Variants in SLC35F4 observed in about 807,000 individuals in gnomAD.
SLC35F4 encodes solute carrier family 35 member F4.
Under a neutral mutation model 44.2 loss-of-function variants are expected in SLC35F4, and 24 were observed. That is an observed-to-expected ratio of 0.54 (90% CI 0.39 to 0.76). The LOEUF (loss-of-function observed/expected upper bound fraction) is 0.76, where lower values mean the gene tolerates loss of function less well. SLC35F4 is among the 30% of genes least tolerant of loss of function. The pLI, the probability that SLC35F4 is intolerant of heterozygous loss-of-function variation, is 0.00. For synonymous variants in SLC35F4, 238 were observed against 223.6 expected, an observed-to-expected ratio of 1.06 and a Z score of -0.57; for missense variants, 562 against 586.1, an observed-to-expected ratio of 0.96 and a Z score of 0.42.
intron 1 of SLC35F4, among the ~76,000 whole-genome samples, chr14:57,836,393 A>G (rs1884926228): frequency 6.6e-6 from 1 of 152,144 alleles, no homozygotes. Context: ...CCCTGGTTCA[A>G]GTGATTCTCC....
chr14:57,845,155 G>A (rs1362403963), intron 1 of SLC35F4, among the ~76,000 whole-genome samples: 1 of 152,178 alleles, frequency 6.6e-6, no homozygotes, highest in Admixed American at 6.5e-5. Context: ...AACTTCAGGA[G>A]GAGGAAAAAT....
chr14:57,875,273 T>C (rs535885663), intron 1 of SLC35F4, among the ~76,000 whole-genome samples: 1 of 152,330 alleles, frequency 6.6e-6, no homozygotes, highest in Admixed American at 6.5e-5. Flanking sequence ...ACATGCTATC[T>C]TCTTTCTTTT....
At chr14:57,878,798 T>A (rs1187481216) in intron 1 of SLC35F4, among the ~76,000 whole-genome samples, 1 of 152,198 alleles carries the variant, frequency 6.6e-6, no homozygotes, top group East Asian at 1.9e-4. Context: ...GAGTAGGCAC[T>A]TCATAGATAT....
intron 1 of SLC35F4, among the ~76,000 whole-genome samples, chr14:57,783,079 G>A (rs1488032184): frequency 6.6e-6 from 1 of 152,074 alleles, no homozygotes; most frequent in Non-Finnish European, 1.5e-5. Flanking sequence ...TTTTTTGCAA[G>A]TTACCTTTTA....
In SLC35F4 at chr14:57,789,358, C is replaced by A. The variant is rs181783441; in HGVS notation, c.103+76365G>T. Among the ~76,000 whole-genome samples, 374 of 152,262 alleles carry A rather than the reference C, an allele frequency of 2.5e-3. 1 individual carries two copies. Among genetic ancestry groups the A allele is most frequent in the Admixed American group, 8.8e-3 (134 of 15,290 alleles). On this transcript the variant is annotated intron_variant, in intron 1 of 7. Transcript: ENST00000556826. ...AAATACAAACTATCATCAGAGAATA[C>A]CATAAACACTTCTATGCAAATAAAC... is the stretch of plus-strand genomic sequence containing the variant.
chr14:57,852,707 G>A (rs1886692507), intron 1 of SLC35F4, among the ~76,000 whole-genome samples: 1 of 152,186 alleles, frequency 6.6e-6, no homozygotes, highest in Admixed American at 6.5e-5. Context: ...CAGGGAAGAT[G>A]GTGCCTCAAT....
intron 1 of SLC35F4, among the ~76,000 whole-genome samples, chr14:57,749,901 A>T (rs894704651): frequency 9.9e-5 from 15 of 152,160 alleles, no homozygotes; most frequent in Non-Finnish European, 2.9e-5. Context: ...TCTAATGTTA[A>T]TTTTTTAATT....
intron 1 of SLC35F4, among the ~76,000 whole-genome samples, chr14:57,644,956 C>T (rs1016321039): frequency 6.6e-6 from 1 of 152,104 alleles, no homozygotes; most frequent in Non-Finnish European, 1.5e-5. Context: ...TTTCTGAGAG[C>T]TCTGTTTTGT....
intron 1 of SLC35F4, among the ~76,000 whole-genome samples, chr14:57,612,401 G>A (rs1413444002): frequency 6.6e-6 from 1 of 152,146 alleles, no homozygotes; most frequent in Non-Finnish European, 1.5e-5. Context: ...CCACCCAGCA[G>A]TTGGGCCAAC....
chr14:57,767,642 T>C lies in SLC35F4; in HGVS notation c.103+98081A>G, dbSNP rs1007852024. On this transcript the variant is annotated intron_variant, in intron 1 of 7. Transcript: ENST00000556826. ...ACTAGAAAAGGAATAGCAAAATAAA[T>C]CCAAGCAAATATAAAGATGGAAATA... Among the ~76,000 whole-genome samples, 6 of 150,548 alleles carry C rather than the reference T, an allele frequency of 4.0e-5. No individual in the cohort carries two copies. The East Asian group carries it at 5.8e-4, about 15-fold the overall frequency.
chr14:57,913,940 T>C (rs939233139), intron 1 of SLC35F4, among the ~76,000 whole-genome samples: 9 of 152,246 alleles, frequency 5.9e-5, no homozygotes, highest in Non-Finnish European at 1.3e-4. Flanking sequence ...AGGATAATTT[T>C]ACAAGGTACA....
intron 1 of SLC35F4, among the ~76,000 whole-genome samples, chr14:57,937,595 GA>G (rs779341037): frequency 0.35 from 20,650 of 58,976 alleles, 2,087 homozygotes; most frequent in East Asian, 0.56. Flanking sequence ...AGAAAGAAAA[GA>G]AAAGAAAAGA....
intron 1 of SLC35F4, among the ~76,000 whole-genome samples, chr14:57,623,448 G>A (rs2140101778): frequency 6.6e-6 from 1 of 152,184 alleles, no homozygotes; most frequent in East Asian, 1.9e-4. Flanking sequence ...CTCAGCTCTG[G>A]ACCAAGCGGA....
At chr14:57,664,674 G>C (rs980109726) in intron 1 of SLC35F4, among the ~76,000 whole-genome samples, 1 of 152,150 alleles carries the variant, frequency 6.6e-6, no homozygotes, top group Non-Finnish European at 1.5e-5. Context: ...GCCTCCCAAA[G>C]TGCTGGGATT....
chr14:57,743,966 G>A (rs1032305083), intron 1 of SLC35F4, among the ~76,000 whole-genome samples: 3 of 152,052 alleles, frequency 2.0e-5, no homozygotes, highest in African/African-American at 2.4e-5. Flanking sequence ...CAGAACCAAC[G>A]ACAAAAACCA....
rs927501345 is a variant in SLC35F4 at position 57,695,722 on chromosome 14, G to A, written c.104-101598C>T. Among the ~76,000 whole-genome samples the A allele has an allele frequency of 1.6e-4, 25 of 152,218 alleles. 1 individual carries two copies. The South Asian group carries it at 3.1e-3, about 19-fold the overall frequency. On this transcript the variant is annotated intron_variant, in intron 1 of 7. Coordinates refer to ENST00000556826, the MANE Select transcript of SLC35F4 (RefSeq NM_001306087.2). ...TGCTGCTATAAAGACACATGCACACGCATGTTTATAACAGCACTACTCACA... is the reference window on the plus strand; with the variant it reads ...TGCTGCTATAAAGACACATGCACACACATGTTTATAACAGCACTACTCACA...
chr14:57,973,378 A>G (rs1440536317), downstream of SLC35F4, among the ~76,000 whole-genome samples: 2 of 152,180 alleles, frequency 1.3e-5, no homozygotes, highest in Non-Finnish European at 2.9e-5. Context: ...TCGTCTCAAG[A>G]AGTAATTATA....
At chr14:57,606,222 A>C (rs1412726345) in intron 1 of SLC35F4, among the ~76,000 whole-genome samples, 1 of 149,392 alleles carries the variant, frequency 6.7e-6, no homozygotes, top group Non-Finnish European at 1.5e-5. Context: ...TATTAAACAA[A>C]GTTCCAAATG....
intron 4 of SLC35F4, chr14:57,580,585 C>A: frequency 6.3e-6 from 2 of 319,774 alleles, no homozygotes; most frequent in South Asian, 2.6e-5. Context: ...TGTTTTTAAT[C>A]CATATTACTC....
Sources: allele counts gnomAD v4.1 joint callset (sites outside exome capture counted in the v4.1 genomes callset), GRCh38; gene constraint gnomAD v4.1.1; transcripts MANE v1.5; gene names NCBI Gene and HGNC (gene_info 2026-07-23, HGNC 2026-07-21).